Variants in AQP11 observed in about 807,000 individuals in gnomAD.
AQP11 encodes aquaporin-11.
In AQP11, 20 loss-of-function variants were observed where a neutral mutation model predicts 21.1. The observed-to-expected ratio is 0.95, with a 90% CI of 0.67 to 1.38. The LOEUF (loss-of-function observed/expected upper bound fraction) is 1.38, where lower values mean the gene tolerates loss of function less well. AQP11 is among the 40% of genes most tolerant of loss of function. AQP11 has a pLI of 0.00. For synonymous variants in AQP11, 167 were observed against 150.1 expected, an observed-to-expected ratio of 1.11 and a Z score of -0.82; for missense variants, 339 against 340.4, an observed-to-expected ratio of 1.00 and a Z score of 0.03.
chr11:77,603,419 G>T, intron 1 of AQP11, 137 bp from the exon 2 acceptor site: 1 of 606,042 alleles, frequency 1.7e-6, no homozygotes, highest in East Asian at 2.8e-5. Flanking sequence ...TCTAAAATAT[G>T]CCAGGTGATT....
chr11:77,591,767 G>A (rs1001922455), intron 1 of AQP11, among the ~76,000 whole-genome samples: 5 of 152,062 alleles, frequency 3.3e-5, no homozygotes, highest in Admixed American at 1.3e-4. Flanking sequence ...TCAGCTACTC[G>A]GGAATCTGAG....
chr11:77,596,701 A>T (rs184884633), intron 1 of AQP11, among the ~76,000 whole-genome samples: 512 of 151,074 alleles, frequency 3.4e-3, no homozygotes, highest in African/African-American at 0.012. Flanking sequence ...TCTACAAAAA[A>T]ATTTTAAAAT....
At chr11:77,592,008 G>C (rs1054793899) in intron 1 of AQP11, among the ~76,000 whole-genome samples, 3 of 152,242 alleles carry the variant, frequency 2.0e-5, no homozygotes, top group Non-Finnish European at 4.4e-5. Flanking sequence ...GCTCACACCT[G>C]TCATCCCAAC....
Position 77,605,289 on chromosome 11 carries a change from G to A in AQP11, c.736+1617G>A, listed in dbSNP as rs1039387562. 2.6e-5 allele frequency among the ~76,000 whole-genome samples: 4 copies of A among 152,164 alleles called. No homozygotes were observed. The East Asian group carries it at 7.7e-4, about 29-fold the overall frequency. On this transcript the variant is annotated intron_variant, in intron 2 of 2. Transcript: ENST00000313578. ...GGTCACTAGTTGGGCAGGCCTACAG[G>A]TAGTTTTTATATGAAAAAATTCCCC...
In AQP11 at chr11:77,590,478, C is replaced by T. The variant is rs1565115769; in HGVS notation, c.486C>T (p.Asp162=). The T allele has an allele frequency of 2.5e-6, 4 of 1,614,180 alleles. No homozygotes were observed. The highest frequency in any genetic ancestry group is 3.4e-6 in the Non-Finnish European group (4 of 1,180,030). ...CTTGCAAGAATCCCATCCGAGTCGACTTGCTCAAAGCGGTCATCACAGAGG... is the reference window on the plus strand; with the variant it reads ...CTTGCAAGAATCCCATCCGAGTCGATTTGCTCAAAGCGGTCATCACAGAGG... The part of the protein sequence containing the change: ...SFACKNPIRV[D]LLKAVITEAV... The change falls in exon 1 of 3, where the codon GAC becomes GAT. Residue 162 remains aspartate, a synonymous_variant. Transcript: ENST00000313578.
Position 77,590,520 on chromosome 11 carries a change from C to G in AQP11, c.528C>G (p.Leu176=), listed in dbSNP as rs769167964. 5.6e-6 allele frequency: 9 copies of G among 1,614,116 alleles called. No individual in the cohort carries two copies. The highest frequency in any genetic ancestry group is 4.0e-5 in the African/African-American group (3 of 74,952). The part of the protein sequence containing the change: ...AVITEAVCSF[L]FHSALLHFQE... ...TCACAGAGGCCGTCTGCTCCTTTCT[C>G]TTCCACAGCGCTCTGCTGCACTTCC... Residue 176 remains leucine (L), a synonymous_variant, in exon 1 of 3, where the codon CTC becomes CTG. Coordinates refer to ENST00000313578, the MANE Select transcript of AQP11 (RefSeq NM_173039.3).
intron 2 of AQP11, among the ~76,000 whole-genome samples, chr11:77,604,376 A>C (rs1402693276): frequency 1.3e-5 from 2 of 152,258 alleles, no homozygotes; most frequent in African/African-American, 4.8e-5. Context: ...ACTCTTTATA[A>C]AGATGGGTCA....
chr11:77,592,322 G>A (rs753133501), intron 1 of AQP11, among the ~76,000 whole-genome samples: 1 of 152,106 alleles, frequency 6.6e-6, no homozygotes, highest in Non-Finnish European at 1.5e-5. Context: ...GCATATTTGA[G>A]GGATTGGTGG....
intron 1 of AQP11, among the ~76,000 whole-genome samples, chr11:77,601,787 G>A (rs980702068): frequency 1.3e-5 from 2 of 152,192 alleles, no homozygotes; most frequent in Non-Finnish European, 2.9e-5. Flanking sequence ...CATATGTCTG[G>A]CAGTTGTCAG....
rs201544461 is a variant in AQP11, at chr11:77,590,377, C to A, written c.385C>A (p.Leu129Met). The A allele has an allele frequency of 9.3e-6, 15 of 1,613,824 alleles. No homozygotes were observed. Among genetic ancestry groups the A allele is most frequent in the Admixed American group, 3.3e-5 (2 of 60,002 alleles). The change falls in exon 1 of 3, where the codon CTG (leucine) becomes ATG (methionine). Residue 129 changes from leucine (L) to methionine (M), a missense_variant. Transcript: ENST00000313578. ...VRLLAQLVSALCSRYCTSALW... is the reference protein window; with the variant it reads ...VRLLAQLVSAMCSRYCTSALW... ...GCTATTGGCTCAGCTGGTTAGTGCCCTGTGCAGCAGGTACTGCACAAGCGC... is the reference window on the plus strand; with the variant it reads ...GCTATTGGCTCAGCTGGTTAGTGCCATGTGCAGCAGGTACTGCACAAGCGC...
At chr11:77,590,723 T>C in intron 1 of AQP11, 112 bp downstream of exon 1, 3 of 1,505,014 alleles carry the variant, frequency 2.0e-6, no homozygotes, top group Non-Finnish European at 2.6e-6. Context: ...ATGTAAATGC[T>C]GGTATCCCCG....
chr11:77,590,946 C>T (rs1173836478), intron 1 of AQP11: 7 of 985,276 alleles, frequency 7.1e-6, no homozygotes, highest in Non-Finnish European at 6.0e-6. Flanking sequence ...TTCTTCATGC[C>T]AAGGTGGTAT....
intron 1 of AQP11, 90 bp from the exon 2 acceptor site, chr11:77,603,466 T>G (rs1255411907): frequency 2.2e-6 from 2 of 905,024 alleles, no homozygotes; most frequent in African/African-American, 3.4e-5. Flanking sequence ...ATACCTAAAA[T>G]AAAAGTCACA....
chr11:77,609,184 A>G, intron 2 of AQP11, 114 bp from the exon 3 acceptor site: 1 of 643,638 alleles, frequency 1.6e-6, no homozygotes, highest in Non-Finnish European at 2.6e-6. Context: ...CAATTCTTTA[A>G]GCATGGCTTT....
chr11:77,607,969 T>C (rs1166918645), intron 2 of AQP11, among the ~76,000 whole-genome samples: 1 of 152,126 alleles, frequency 6.6e-6, no homozygotes. Flanking sequence ...ATTTTTTTTT[T>C]TTTCATTTAA....
intron 1 of AQP11, chr11:77,591,052 C>T (rs1375643214): frequency 3.0e-6 from 3 of 985,180 alleles, no homozygotes; most frequent in African/African-American, 3.5e-5. Flanking sequence ...AGTATAAGAG[C>T]GGAGGGTAGA....
At chr11:77,591,823 G>A (rs1346687612) in intron 1 of AQP11, among the ~76,000 whole-genome samples, 1 of 152,192 alleles carries the variant, frequency 6.6e-6, no homozygotes, top group Non-Finnish European at 1.5e-5. Context: ...GCAGTGAGCT[G>A]AGATCGCGCC....
chr11:77,599,851 G>T (rs1958805221), intron 1 of AQP11, among the ~76,000 whole-genome samples: 2 of 152,092 alleles, frequency 1.3e-5, no homozygotes, highest in Admixed American at 6.6e-5. Flanking sequence ...CTCCCAAAGT[G>T]CTGGGATTAC....
Position 77,609,349 on chromosome 11 carries a change from AC to A in AQP11, c.789del (p.Asn263LysfsTer17), listed in dbSNP as rs751655503. The A allele has an allele frequency of 3.1e-6, 5 of 1,613,218 alleles. No individual in the cohort carries two copies. Among genetic ancestry groups the A allele is most frequent in the Admixed American group, 3.3e-5 (2 of 59,920 alleles). ...MFSFFLPWLH[N>X]NHTINKKE is the part of the protein sequence containing the mutation. ...AGCTTTTTCCTTCCATGGCTGCATA[AC>A]AACCATACAATTAATAAAAAGGAAT... On this transcript the variant is annotated frameshift_variant, in exon 3 of 3. Transcript: ENST00000313578. LOFTEE classifies it high-confidence loss of function.
Sources: allele counts gnomAD v4.1 joint callset (sites outside exome capture counted in the v4.1 genomes callset), GRCh38; gene constraint gnomAD v4.1.1; transcripts MANE v1.5; gene names NCBI Gene and HGNC (gene_info 2026-07-23, HGNC 2026-07-21).